CACHD1: variants seen among roughly 807,000 people sequenced by gnomAD.
CACHD1 encodes the protein VWFA and cache domain-containing protein 1.
A neutral mutation model predicts 138.7 loss-of-function variants in CACHD1; 71 were observed. That is an observed-to-expected ratio of 0.51 (90% CI 0.42 to 0.62). The LOEUF is 0.62. Ranked by LOEUF, CACHD1 falls within the 20% of genes least tolerant of loss-of-function variation. CACHD1 has a pLI of 0.00. For synonymous variants in CACHD1, 578 were observed against 591.5 expected, an observed-to-expected ratio of 0.98 and a Z score of 0.33; for missense variants, 1,389 against 1,625.3, an observed-to-expected ratio of 0.85 and a Z score of 2.50.
chr1:64,685,926 C>A (rs1441591471), intron 26 of CACHD1, among the ~76,000 whole-genome samples: 1 of 152,008 alleles, frequency 6.6e-6, no homozygotes, highest in African/African-American at 2.4e-5. Context: ...GCACGGTGCT[C>A]AGGGTTGACC....
intron 4 of CACHD1, among the ~76,000 whole-genome samples, chr1:64,615,300 A>G (rs564763307): frequency 3.8e-4 from 58 of 152,176 alleles, no homozygotes; most frequent in Non-Finnish European, 7.6e-4. Context: ...CCTATGAAGA[A>G]AGGGAGGAAA....
intron 13 of CACHD1, among the ~76,000 whole-genome samples, chr1:64,661,555 A>C (rs17126836): frequency 0.017 from 2,619 of 152,132 alleles, 78 homozygotes; most frequent in African/African-American, 0.058. Flanking sequence ...GACACTTCTT[A>C]TATTATTGTG....
At chr1:64,541,836 G>A (rs1362129962) in intron 1 of CACHD1, among the ~76,000 whole-genome samples, 1 of 152,118 alleles carries the variant, frequency 6.6e-6, no homozygotes, top group African/African-American at 2.4e-5. Flanking sequence ...AAAACAGAAT[G>A]AGGTGGGAGT....
intron 8 of CACHD1, among the ~76,000 whole-genome samples, chr1:64,643,455 G>GT (rs1392139945): frequency 6.6e-6 from 1 of 152,192 alleles, no homozygotes; most frequent in East Asian, 1.9e-4. Context: ...ATGAAAAATA[G>GT]TAAAATCTAC....
intron 1 of CACHD1, among the ~76,000 whole-genome samples, chr1:64,540,979 A>AGTGT (rs369916212): frequency 6.6e-5 from 10 of 150,606 alleles, no homozygotes; most frequent in Admixed American, 6.6e-5. Flanking sequence ...AGTGGCTGTG[A>AGTGT]GTGTGTGTGT....
intron 4 of CACHD1, among the ~76,000 whole-genome samples, chr1:64,615,144 C>T (rs1420515062): frequency 6.6e-6 from 1 of 152,198 alleles, no homozygotes; most frequent in Non-Finnish European, 1.5e-5. Flanking sequence ...AGCACGCTGC[C>T]AGCCGCCTCT....
At chr1:64,551,440 C>G (rs1646758248) in intron 2 of CACHD1, among the ~76,000 whole-genome samples, 1 of 152,142 alleles carries the variant, frequency 6.6e-6, no homozygotes, top group African/African-American at 2.4e-5. Context: ...AATCCACCAA[C>G]TTCATTACAG....
At chr1:64,471,812 G>A (rs1273951861) in intron 1 of CACHD1, among the ~76,000 whole-genome samples, 1 of 152,012 alleles carries the variant, frequency 6.6e-6, no homozygotes, top group African/African-American at 2.4e-5. Context: ...AAAACTGCCC[G>A]CAGCTAGTAA....
intron 1 of CACHD1, among the ~76,000 whole-genome samples, chr1:64,519,324 G>A (rs146289615): frequency 1.4e-3 from 212 of 152,248 alleles, no homozygotes; most frequent in African/African-American, 4.9e-3. Context: ...GGAGCCTTTC[G>A]ATTGAGGCAC....
chr1:64,565,965 T>C (rs1469758058), intron 2 of CACHD1, among the ~76,000 whole-genome samples: 1 of 152,220 alleles, frequency 6.6e-6, no homozygotes, highest in Admixed American at 6.5e-5. Flanking sequence ...AATTAAGCAC[T>C]ATGATTAAAT....
chr1:64,522,705 A>T (rs1232797668), intron 1 of CACHD1, among the ~76,000 whole-genome samples: 3 of 152,144 alleles, frequency 2.0e-5, no homozygotes, highest in Non-Finnish European at 4.4e-5. Context: ...TGTAAGTCTG[A>T]AATTTTTTCA....
intron 9 of CACHD1, among the ~76,000 whole-genome samples, chr1:64,651,413 C>A (rs1332690284): frequency 6.6e-6 from 1 of 151,984 alleles, no homozygotes; most frequent in South Asian, 2.1e-4. Context: ...GTAATAATAC[C>A]TTTTAAGCAT....
intron 4 of CACHD1, among the ~76,000 whole-genome samples, chr1:64,627,124 G>A (rs2100629082): frequency 6.6e-6 from 1 of 152,236 alleles, no homozygotes; most frequent in East Asian, 1.9e-4. Context: ...TAAAATCTCA[G>A]GGCTGGGCAT....
Position 64,648,009 on chromosome 1 carries a change from G to T in CACHD1, c.1365G>T (p.Leu455=), listed in dbSNP as rs375544282. The T allele has an allele frequency of 2.4e-4, 390 of 1,613,198 alleles. No individual in the cohort carries two copies. Among genetic ancestry groups the T allele is most frequent in the Non-Finnish European group, 3.2e-4 (373 of 1,179,696 alleles). The change falls in exon 9 of 27, where the codon CTG becomes CTT. Residue 455 remains leucine, a synonymous_variant. Coordinates refer to ENST00000651257, the MANE Select transcript of CACHD1 (RefSeq NM_020925.4). ...TGATTGATGAAGCCGTCTTCAGCCT[G>T]CCCTTCTCTGATGAGATGGGAGATG... ...NRMIDEAVFS[L]PFSDEMGDGL...
At chr1:64,571,363 C>T (rs2100511640) in intron 2 of CACHD1, among the ~76,000 whole-genome samples, 2 of 152,178 alleles carry the variant, frequency 1.3e-5, no homozygotes, top group Admixed American at 1.3e-4. Context: ...GAGGGAGAGA[C>T]CTTGCAATTA....
chr1:64,606,121 A>ACACACACACACACACACACACG (rs1240936849), intron 4 of CACHD1, among the ~76,000 whole-genome samples: 2 of 151,916 alleles, frequency 1.3e-5, no homozygotes, highest in African/African-American at 4.8e-5. Context: ...ACACACACAC[A>ACACACACACACACACACACACG]CACACACACG....
intron 1 of CACHD1, among the ~76,000 whole-genome samples, chr1:64,546,230 C>T (rs1049587682): frequency 6.6e-5 from 10 of 152,194 alleles, no homozygotes; most frequent in African/African-American, 2.2e-4. Flanking sequence ...GCAGAATGCT[C>T]ACCCTGCCTA....
At chr1:64,654,937 G>A (rs1364118066) in intron 12 of CACHD1, 134 bp downstream of exon 12, 4 of 659,894 alleles carry the variant, frequency 6.1e-6, no homozygotes, top group Non-Finnish European at 1.1e-5. Flanking sequence ...AGTTTTTAAA[G>A]TGATTGGGAA....
intron 9 of CACHD1, among the ~76,000 whole-genome samples, chr1:64,651,723 C>T (rs1649102404): frequency 6.6e-6 from 1 of 152,132 alleles, no homozygotes; most frequent in South Asian, 2.1e-4. Flanking sequence ...TCCATTGTCA[C>T]CTGTACAATA....
Sources: gnomAD v4.1 joint callset for allele counts (sites outside exome capture counted in the v4.1 genomes callset) on GRCh38, gnomAD v4.1.1 for gene constraint, MANE v1.5 for transcripts, NCBI Gene and HGNC (gene_info 2026-07-23, HGNC 2026-07-21) for gene names.